KCTD16: variants seen among roughly 807,000 people sequenced by gnomAD.
KCTD16 encodes the protein BTB/POZ domain-containing protein KCTD16.
KCTD16 carries 13 observed loss-of-function variants against 33.2 expected under a neutral mutation model. That is an observed-to-expected ratio of 0.39 (90% CI 0.25 to 0.62). The LOEUF is 0.62. Ranked by LOEUF, KCTD16 falls within the 20% of genes least tolerant of loss-of-function variation. The pLI is 0.50. For synonymous variants in KCTD16, 197 were observed against 195.3 expected (o/e 1.01, Z -0.07); for missense variants, 441 against 525.1 (o/e 0.84, Z 1.57).
intron 3 of KCTD16, among the ~76,000 whole-genome samples, chr5:144,321,002 C>T: frequency 6.6e-6 from 1 of 152,034 alleles, no homozygotes; most frequent in African/African-American, 2.4e-5. Flanking sequence ...ATTACAGGCA[C>T]ATGCCACCAC....
At chr5:144,277,607 T>G (rs986022196) in intron 3 of KCTD16, among the ~76,000 whole-genome samples, 3 of 152,328 alleles carry the variant, frequency 2.0e-5, no homozygotes, top group Admixed American at 2.0e-4. Context: ...TTTTTTTAAA[T>G]TGATTTTTGA....
chr5:144,329,665 G>C (rs901902592), intron 3 of KCTD16, among the ~76,000 whole-genome samples: 2 of 152,018 alleles, frequency 1.3e-5, no homozygotes, highest in African/African-American at 4.8e-5. Flanking sequence ...ATGGATATTA[G>C]TAAAGTTGGA....
At chr5:144,407,602 A>C (rs556824555) in intron 3 of KCTD16, among the ~76,000 whole-genome samples, 16 of 152,216 alleles carry the variant, frequency 1.1e-4, no homozygotes, top group African/African-American at 3.9e-4. Flanking sequence ...ATAGGTATAC[A>C]TGTGCCGTGG....
At chr5:144,199,548 A>G (rs1011289429) in intron 2 of KCTD16, among the ~76,000 whole-genome samples, 1 of 151,990 alleles carries the variant, frequency 6.6e-6, no homozygotes, top group Non-Finnish European at 1.5e-5. Context: ...TATGTTTTTC[A>G]TTTGCCAACC....
At position 144,216,974 on chromosome 5, in the gene KCTD16, C is replaced by CT. The variant is rs58187514; in HGVS notation, c.832+9434dup. Among the ~76,000 whole-genome samples the CT allele has an allele frequency of 1.8e-4, 28 of 152,106 alleles. No homozygotes were observed. In the East Asian group the frequency reaches 5.2e-3, roughly 28 times the overall value. ...GACAGCTAAGCTCTGGTAGTGGTAA[C>CT]TTTTTTGTAAAGGGGACTCTGGAGC... is the stretch of plus-strand genomic sequence containing the variant. On this transcript the variant is annotated intron_variant, in intron 3 of 3. Coordinates refer to ENST00000512467, the MANE Select transcript of KCTD16 (RefSeq NM_020768.4).
At chr5:144,214,982 T>G (rs1294119078) in intron 3 of KCTD16, among the ~76,000 whole-genome samples, 1 of 152,212 alleles carries the variant, frequency 6.6e-6, no homozygotes, top group Non-Finnish European at 1.5e-5. Context: ...ATATTCTGTT[T>G]TGGTCATAGA....
chr5:144,321,345 A>C (rs1203761483), intron 3 of KCTD16, among the ~76,000 whole-genome samples: 2 of 152,208 alleles, frequency 1.3e-5, no homozygotes, highest in Non-Finnish European at 2.9e-5. Context: ...TCCATTCTGC[A>C]GCATGATATC....
intron 3 of KCTD16, among the ~76,000 whole-genome samples, chr5:144,317,933 G>A (rs925458060): frequency 2.0e-5 from 3 of 152,098 alleles, no homozygotes; most frequent in East Asian, 1.9e-4. Context: ...GTATTTCCCC[G>A]GAGTCTATGC....
At chr5:144,461,384 G>C (rs926300805) in intron 3 of KCTD16, among the ~76,000 whole-genome samples, 1 of 152,078 alleles carries the variant, frequency 6.6e-6, no homozygotes, top group Non-Finnish European at 1.5e-5. Flanking sequence ...GAGAATGAAA[G>C]CACCGTGTAC....
Position 144,207,449 on chromosome 5 carries a change from C to A in KCTD16, c.735C>A (p.Phe245Leu). The A allele has an allele frequency of 6.2e-7, 1 of 1,614,182 alleles. No individual in the cohort carries two copies. Among genetic ancestry groups the A allele is most frequent in the Non-Finnish European group, 8.5e-7 (1 of 1,180,020 alleles). The change falls in exon 3 of 4, where the codon TTC becomes TTA. Residue 245 changes from phenylalanine to leucine, a missense_variant. Physicochemically the swap from Phe to Leu is conservative, Grantham distance 22. Transcript: ENST00000512467. ...RAFDMLSECG[F>L]HMVACNSSVT... ...TTGATATGTTGTCAGAGTGTGGATT[C>A]CACATGGTGGCCTGTAACTCATCGG...
At chr5:144,363,245 G>A (rs1237660713) in intron 3 of KCTD16, among the ~76,000 whole-genome samples, 2 of 152,122 alleles carry the variant, frequency 1.3e-5, no homozygotes, top group Non-Finnish European at 2.9e-5. Context: ...TGGAGGCTGA[G>A]GCATGAGAAT....
intron 3 of KCTD16, among the ~76,000 whole-genome samples, chr5:144,369,931 T>C (rs1751928131): frequency 6.6e-6 from 1 of 152,040 alleles, no homozygotes; most frequent in Non-Finnish European, 1.5e-5. Flanking sequence ...CTAAAGTTGG[T>C]AGGAGGTAAA....
chr5:144,477,558 C>T lies in KCTD16; in HGVS notation c.*3444C>T, dbSNP rs1034602715. ...CACAGGTGTGTTGCTTGTTCTGGGC[C>T]CCATTACTGCCTGCGCTTCTGGATT... On this transcript the variant is annotated 3_prime_UTR_variant, in exon 4 of 4. Transcript: ENST00000512467. 7.2e-5 allele frequency: 11 copies of T among 151,994 alleles called. No individual in the cohort carries two copies. The highest frequency in any genetic ancestry group is 2.7e-4 in the African/African-American group (11 of 41,392). The allele number at this position is 151,994 out of a possible 1,614,324, so 9.4% of individuals were successfully genotyped here.
At chr5:144,185,419 G>T (rs922027661) in intron 2 of KCTD16, among the ~76,000 whole-genome samples, 2 of 152,158 alleles carry the variant, frequency 1.3e-5, no homozygotes, top group African/African-American at 4.8e-5. Context: ...AGATTTGTTT[G>T]AATTCAGTGG....
intron 2 of KCTD16, among the ~76,000 whole-genome samples, chr5:144,194,497 G>A (rs1353018257): frequency 6.6e-6 from 1 of 152,220 alleles, no homozygotes; most frequent in African/African-American, 2.4e-5. Context: ...TCTACCCTGA[G>A]CTCTTGTGGA....
intron 3 of KCTD16, among the ~76,000 whole-genome samples, chr5:144,337,286 A>C (rs149049596): frequency 3.9e-5 from 6 of 152,110 alleles, no homozygotes; most frequent in Non-Finnish European, 7.4e-5. Flanking sequence ...AAAATTTTAT[A>C]GTTCCTAATA....
chr5:144,273,653 T>G (rs1322398068), intron 3 of KCTD16, among the ~76,000 whole-genome samples: 1 of 151,004 alleles, frequency 6.6e-6, no homozygotes, highest in Non-Finnish European at 1.5e-5. Flanking sequence ...AACATTCTAC[T>G]AAGTAAAATA....
intron 3 of KCTD16, among the ~76,000 whole-genome samples, chr5:144,290,940 T>C (rs1755880891): frequency 6.6e-6 from 1 of 152,228 alleles, no homozygotes; most frequent in Non-Finnish European, 1.5e-5. Context: ...TTTATAACCT[T>C]CTTGGTTCAA....
chr5:144,257,795 T>A (rs1291523299), intron 3 of KCTD16, among the ~76,000 whole-genome samples: 1 of 152,146 alleles, frequency 6.6e-6, no homozygotes, highest in Non-Finnish European at 1.5e-5. Context: ...CCTGTCATAG[T>A]TTCTTATTAG....
Sources: allele counts gnomAD v4.1 joint callset (sites outside exome capture counted in the v4.1 genomes callset), GRCh38; gene constraint gnomAD v4.1.1; transcripts MANE v1.5; gene names NCBI Gene and HGNC (gene_info 2026-07-23, HGNC 2026-07-21).